EFCAB13: variants seen among roughly 807,000 people sequenced by gnomAD.
EFCAB13 encodes EF-hand calcium-binding domain-containing protein 13.
Under a neutral mutation model 110.2 loss-of-function variants are expected in EFCAB13, and 91 were observed. The ratio of observed to expected loss-of-function variants is 0.83; its 90% confidence interval spans 0.70 to 0.98. The LOEUF is 0.98. Ranked by LOEUF, EFCAB13 falls within the 50% of genes least tolerant of loss-of-function variation. EFCAB13 has a pLI of 0.00. For missense variants in EFCAB13, 968 were observed against 1,119.4 expected, an observed-to-expected ratio of 0.86 and a Z score of 1.93; for synonymous variants, 323 against 369.9, an observed-to-expected ratio of 0.87 and a Z score of 1.45.
rs1905303596 is a variant in EFCAB13 at position 47,440,666 on chromosome 17, G to A, written c.2874G>A (p.Leu958=). 6 of 1,600,794 alleles carry A rather than the reference G, an allele frequency of 3.7e-6. No homozygotes were observed. The South Asian group carries it at 6.8e-5, about 18-fold the overall frequency. The change falls in exon 25 of 25, where the codon TTG becomes TTA. Residue 958 remains leucine (L), a synonymous_variant. Coordinates refer to ENST00000331493, the MANE Select transcript of EFCAB13 (RefSeq NM_152347.5). ...AGATTAGTTTACATAACTTCTGTTT[G>A]AATTCTAAGGCAAATATTGCTAAGC... The part of the protein sequence containing the change: ...QHKISLHNFC[L]NSKANIAKLN...
At chr17:47,427,184 A>G (rs1015451482) in intron 23 of EFCAB13, among the ~76,000 whole-genome samples, 1 of 152,086 alleles carries the variant, frequency 6.6e-6, no homozygotes, top group Non-Finnish European at 1.5e-5. Flanking sequence ...AAATTGATAG[A>G]CTGCCTTTTC....
intron 9 of EFCAB13, among the ~76,000 whole-genome samples, chr17:47,352,050 C>T (rs1240591241): frequency 2.0e-5 from 3 of 151,602 alleles, no homozygotes; most frequent in South Asian, 2.1e-4. Context: ...TACAGGTGCC[C>T]GCCACCACGC....
intron 17 of EFCAB13, among the ~76,000 whole-genome samples, chr17:47,398,083 C>T (rs1310329226): frequency 5.6e-5 from 8 of 142,926 alleles, no homozygotes; most frequent in South Asian, 2.2e-4. Flanking sequence ...GCCCGCCGCC[C>T]GGCCAGCCGC....
chr17:47,350,108 A>G, intron 9 of EFCAB13, among the ~76,000 whole-genome samples: 1 of 152,098 alleles, frequency 6.6e-6, no homozygotes, highest in Non-Finnish European at 1.5e-5. Flanking sequence ...GAATCCAGGT[A>G]AAAAAGACTT....
At chr17:47,362,246 C>T (rs2065518334) in intron 10 of EFCAB13, among the ~76,000 whole-genome samples, 1 of 151,780 alleles carries the variant, frequency 6.6e-6, no homozygotes, top group Non-Finnish European at 1.5e-5. Context: ...TTATAATAAT[C>T]CTCGCTCTAC....
chr17:47,397,865 G>A (rs1000419528), intron 17 of EFCAB13, among the ~76,000 whole-genome samples: 4 of 150,960 alleles, frequency 2.6e-5, no homozygotes, highest in Admixed American at 6.6e-5. Flanking sequence ...CAGTCACCCC[G>A]TCTGGGAAGT....
At chr17:47,436,505 G>A (rs1296878272) in intron 24 of EFCAB13, among the ~76,000 whole-genome samples, 1 of 152,038 alleles carries the variant, frequency 6.6e-6, no homozygotes, top group Non-Finnish European at 1.5e-5. Flanking sequence ...TAGGAGAGTT[G>A]TATTTTTCCA....
At chr17:47,398,848 T>TG (rs2065763210) in intron 17 of EFCAB13, among the ~76,000 whole-genome samples, 1 of 150,938 alleles carries the variant, frequency 6.6e-6, no homozygotes, top group South Asian at 2.1e-4. Context: ...GAATAATCAA[T>TG]AAAAATAAAT....
chr17:47,388,726 A>G (rs1371693311), intron 14 of EFCAB13, among the ~76,000 whole-genome samples: 1 of 152,142 alleles, frequency 6.6e-6, no homozygotes, highest in Non-Finnish European at 1.5e-5. Flanking sequence ...ATTTGTATAC[A>G]TGTCTTCCTC....
rs1190644566 is a variant in EFCAB13 at position 47,384,158 on chromosome 17, G to GT, written c.1582+4918dup. 3.7e-3 allele frequency among the ~76,000 whole-genome samples: 427 copies of GT among 115,164 alleles called. 3 individuals carry two copies. Among genetic ancestry groups the GT allele is most frequent in the South Asian group, 6.5e-3 (22 of 3,388 alleles). 75.6% of individuals were successfully genotyped at this position (115,164 alleles called of 152,430 possible). A position where few individuals can be genotyped will look rare whatever the true frequency, so the allele number is the denominator to read the frequency against. On this transcript the variant is annotated intron_variant, in intron 14 of 24. Transcript: ENST00000331493. ...TTGCAACCCCCAGTTTTTTTTTTTTGTTTTTTTTTTTTTGCTTTCCATTTG... is the reference window on the plus strand; with the variant it reads ...TTGCAACCCCCAGTTTTTTTTTTTTGTTTTTTTTTTTTTTGCTTTCCATTTG...
At chr17:47,331,512 ACC>A (rs1331915993) in intron 4 of EFCAB13, among the ~76,000 whole-genome samples, 2 of 152,208 alleles carry the variant, frequency 1.3e-5, no homozygotes, top group East Asian at 3.9e-4. Context: ...TGCACAGCTT[ACC>A]CTGCTATCAA....
chr17:47,371,461 A>G (rs960973301), intron 11 of EFCAB13, among the ~76,000 whole-genome samples: 2 of 152,164 alleles, frequency 1.3e-5, no homozygotes, highest in South Asian at 2.1e-4. Context: ...CACTTTTCCC[A>G]GCACCATTTA....
chr17:47,414,164 T>G (rs1353525792), intron 22 of EFCAB13, among the ~76,000 whole-genome samples: 1 of 152,146 alleles, frequency 6.6e-6, no homozygotes, highest in Non-Finnish European at 1.5e-5. Flanking sequence ...AAACTCAAAG[T>G]CTCCTTAATA....
intron 20 of EFCAB13, among the ~76,000 whole-genome samples, chr17:47,408,637 A>G (rs9895776): frequency 0.63 from 95,963 of 151,768 alleles, 30,764 homozygotes; most frequent in African/African-American, 0.71. Context: ...GGGCGACAGA[A>G]CAAGACTCCA....
At chr17:47,416,691 T>A (rs895071808) in intron 23 of EFCAB13, among the ~76,000 whole-genome samples, 1 of 152,168 alleles carries the variant, frequency 6.6e-6, no homozygotes, top group African/African-American at 2.4e-5. Context: ...AGTATTTGGT[T>A]TTCTGTTTCT....
intron 14 of EFCAB13, among the ~76,000 whole-genome samples, chr17:47,381,802 G>T (rs2065648517): frequency 6.6e-6 from 1 of 152,112 alleles, no homozygotes; most frequent in South Asian, 2.1e-4. Flanking sequence ...GATACCTCTA[G>T]CTTTCTTCTT....
rs60680626 is a variant in EFCAB13 at position 47,338,558 on chromosome 17, G to GT, written c.191+3213dup. ...AGCCACTGCAGCTGGTTTACTACTAGTTTTTTTTTTTAAATAAATAAGTTA... is the reference window on the plus strand; with the variant it reads ...AGCCACTGCAGCTGGTTTACTACTAGTTTTTTTTTTTTAAATAAATAAGTTA... On this transcript the variant is annotated intron_variant, in intron 5 of 24. Coordinates refer to ENST00000331493, the MANE Select transcript of EFCAB13 (RefSeq NM_152347.5). 2.6e-3 allele frequency among the ~76,000 whole-genome samples: 385 copies of GT among 148,142 alleles called. 2 individuals are homozygous for GT. The highest frequency in any genetic ancestry group is 6.5e-3 in the African/African-American group (265 of 40,612).
intron 23 of EFCAB13, among the ~76,000 whole-genome samples, chr17:47,423,853 C>T (rs938269371): frequency 7.2e-5 from 11 of 151,930 alleles, no homozygotes; most frequent in African/African-American, 2.7e-4. Flanking sequence ...TCCGTGTAGA[C>T]CTAGACCTTT....
intron 21 of EFCAB13, among the ~76,000 whole-genome samples, chr17:47,411,951 C>T (rs1410890430): frequency 1.3e-5 from 2 of 152,034 alleles, no homozygotes; most frequent in East Asian, 3.9e-4. Context: ...AAAAATTAGC[C>T]ATGTATGGTG....
Sources: gnomAD v4.1 joint callset for allele counts (sites outside exome capture counted in the v4.1 genomes callset) on GRCh38, gnomAD v4.1.1 for gene constraint, MANE v1.5 for transcripts, NCBI Gene and HGNC (gene_info 2026-07-23, HGNC 2026-07-21) for gene names.